Variants in ADGRA2 observed in about 807,000 individuals in gnomAD.
ADGRA2 encodes G-protein coupled receptor 124.
In ADGRA2, 61 loss-of-function variants were observed where a neutral mutation model predicts 98.7. That is an observed-to-expected ratio of 0.62 (90% CI 0.50 to 0.76). ADGRA2 has a LOEUF of 0.76. Among genes scored for constraint, ADGRA2 ranks in the 30% least tolerant of loss-of-function variants. The pLI, the probability that ADGRA2 is intolerant of heterozygous loss-of-function variation, is 0.00. For missense variants in ADGRA2, 1,712 were observed against 1,860.0 expected (o/e 0.92, Z 1.46); for synonymous variants, 858 against 831.5 (o/e 1.03, Z -0.55).
chr8:37,814,805 C>G lies in ADGRA2; in HGVS notation c.267-91C>G. ...GCACAACTCCAGGGGGCGCCATTGA[C>G]AAAGATGCAAGCTGGCCCCACCAGT... On this transcript the variant is annotated intron_variant, in intron 1 of 18. Transcript: ENST00000412232. This position sits in a 1 kb window ranked among gnomAD's most constrained non-coding sequence, Gnocchi z 4.3. 1 of 921,574 alleles carries G rather than the reference C, an allele frequency of 1.1e-6. No individual in the cohort carries two copies. Among genetic ancestry groups the G allele is most frequent in the Non-Finnish European group, 1.8e-6 (1 of 558,220 alleles). The allele number at this position is 921,574 out of a possible 1,614,324, so 57.1% of individuals were successfully genotyped here.
At chr8:37,821,744 C>T (rs777118794) in intron 2 of ADGRA2, among the ~76,000 whole-genome samples, 8 of 152,178 alleles carry the variant, frequency 5.3e-5, no homozygotes, top group Non-Finnish European at 1.0e-4. Context: ...CGGTCAGCCC[C>T]GGGATGATTT....
At chr8:37,822,285 C>A (rs1805147938) in intron 2 of ADGRA2, among the ~76,000 whole-genome samples, 1 of 151,984 alleles carries the variant, frequency 6.6e-6, no homozygotes, top group Admixed American at 6.6e-5. Flanking sequence ...TGCTTTGTGG[C>A]CTCCGAACCT....
In ADGRA2 at chr8:37,835,388, T is replaced by TAA; in HGVS notation, c.1823_1824insAA (p.Phe608LeufsTer85). ...AGGCCCAATGTTTCTCTGTCGTCCT[T>TAA]CCACATCAAGGTGGGCGCTGGGGGA... On this transcript the variant is annotated frameshift_variant, in exon 12 of 19. Coordinates refer to ENST00000412232, the MANE Select transcript of ADGRA2 (RefSeq NM_032777.10). LOFTEE classifies it high-confidence loss of function. 1 of 1,608,334 alleles carries TAA rather than the reference T, an allele frequency of 6.2e-7. No homozygotes were observed. The highest frequency in any genetic ancestry group is 2.2e-5 in the East Asian group (1 of 44,776).
At chr8:37,819,047 T>C (rs1386086883) in intron 2 of ADGRA2, among the ~76,000 whole-genome samples, 2 of 152,018 alleles carry the variant, frequency 1.3e-5, no homozygotes, top group African/African-American at 4.8e-5. Context: ...AGGAGACAGG[T>C]AGGATGTGAT....
rs1350212917 is a variant in ADGRA2 at position 37,830,528 on chromosome 8, T to C, written c.719-182T>C. On this transcript the variant is annotated intron_variant, in intron 6 of 18. Coordinates refer to ENST00000412232, the MANE Select transcript of ADGRA2 (RefSeq NM_032777.10). The surrounding 1 kb of genome is among the most constrained non-coding windows in gnomAD (Gnocchi z 4.8). ...TACTTTTCTTTGTCCAAAAACCGCC[T>C]GTCCCTCCCCTTTACCCTTACCCCT... is the stretch of plus-strand genomic sequence containing the variant. Among the ~76,000 whole-genome samples, 1 of 152,212 alleles carries C rather than the reference T, an allele frequency of 6.6e-6. No individual in the cohort carries two copies. Among genetic ancestry groups the C allele is most frequent in the East Asian group, 1.9e-4 (1 of 5,192 alleles).
Position 37,830,754 on chromosome 8 carries a change from C to T in ADGRA2, c.763C>T (p.Arg255Cys), listed in dbSNP as rs144591273. 2.1e-5 allele frequency: 34 copies of T among 1,605,758 alleles called. No individual in the cohort carries two copies. The highest frequency in any genetic ancestry group is 1.6e-4 in the Middle Eastern group (1 of 6,080). Reference sequence around the variant, plus strand: ...CACACACCACCTCATCCCGTCCCTACGCCAAGTGGTGTTCCAGGGGGATCG... The same window carrying T: ...CACACACCACCTCATCCCGTCCCTATGCCAAGTGGTGTTCCAGGGGGATCG... ...LHTHHLIPSL[R>C]QVVFQGDRLP... Residue 255 changes from arginine (R) to cysteine (C), a missense_variant, in exon 7 of 19, where the codon CGC becomes TGC. Transcript: ENST00000412232. The surrounding 1 kb of genome is among the most constrained non-coding windows in gnomAD (Gnocchi z 4.8).
At chr8:37,804,536 G>A (rs1301113968) in intron 1 of ADGRA2, among the ~76,000 whole-genome samples, 4 of 152,222 alleles carry the variant, frequency 2.6e-5, no homozygotes, top group Non-Finnish European at 5.9e-5. Flanking sequence ...TACAGAATAG[G>A]TTAGCAAACA....
In ADGRA2 at chr8:37,797,623, G is replaced by T. The variant is rs999240838; in HGVS notation, c.266+89G>T. On this transcript the variant is annotated intron_variant, in intron 1 of 18. Transcript: ENST00000412232. The surrounding 1 kb of genome is among the most constrained non-coding windows in gnomAD (Gnocchi z 5.3). Reference sequence around the variant, plus strand: ...GAGGGGTGGGAGCAGGGGGAAGGGGGCTATCCCCCCACTTCAGAGATTTCT... The same window carrying T: ...GAGGGGTGGGAGCAGGGGGAAGGGGTCTATCCCCCCACTTCAGAGATTTCT... 4.4e-6 allele frequency: 5 copies of T among 1,133,680 alleles called. No homozygotes were observed. The highest frequency in any genetic ancestry group is 1.6e-5 in the African/African-American group (1 of 62,084). The allele number at this position is 1,133,680 out of a possible 1,614,324, so 70.2% of individuals were successfully genotyped here. A position where few individuals can be genotyped will look rare whatever the true frequency, so the allele number is the denominator to read the frequency against.
intron 1 of ADGRA2, among the ~76,000 whole-genome samples, chr8:37,806,526 C>CTTTTTT (rs533491458): frequency 2.9e-4 from 29 of 100,348 alleles, no homozygotes; most frequent in African/African-American, 4.6e-4. Flanking sequence ...TTTTCTTTTT[C>CTTTTTT]TTTTTTTTTT....
chr8:37,824,923 C>T (rs1805226585), intron 2 of ADGRA2, among the ~76,000 whole-genome samples: 1 of 152,208 alleles, frequency 6.6e-6, no homozygotes, highest in Non-Finnish European at 1.5e-5. Context: ...ATTGCTTCTG[C>T]TCACAAACTC....
chr8:37,841,025 G>GCCCCCCCCCCCCCCC lies in ADGRA2; in HGVS notation c.2748-56_2748-55insCCCCCCCCCCCCCCC. 3.8e-5 allele frequency: 54 copies of GCCCCCCCCCCCCCCC among 1,411,584 alleles called. No homozygotes were observed. The highest frequency in any genetic ancestry group is 2.1e-4 in the Middle Eastern group (1 of 4,832). The allele number at this position is 1,411,584 out of a possible 1,614,324, so 87.4% of individuals were successfully genotyped here. Reference sequence around the variant, plus strand: ...ATATCCTGTCTCCCCAACCACCCCGGCCCCCAGCCCCACCCCAGCCATGCC... The same window carrying GCCCCCCCCCCCCCCC: ...ATATCCTGTCTCCCCAACCACCCCGGCCCCCCCCCCCCCCCCCCCCAGCCCCACCCCAGCCATGCC... On this transcript the variant is annotated intron_variant, in intron 18 of 18. Transcript: ENST00000412232. The surrounding 1 kb of genome is among the most constrained non-coding windows in gnomAD (Gnocchi z 5.0).
At position 37,842,284 on chromosome 8, in the gene ADGRA2, C is replaced by T. The variant is rs1198541195; in HGVS notation, c.3946C>T (p.Leu1316=). 3 of 1,580,368 alleles carry T rather than the reference C, an allele frequency of 1.9e-6. No individual in the cohort carries two copies. Among genetic ancestry groups the T allele is most frequent in the East Asian group, 4.6e-5 (2 of 43,092 alleles). The change falls in exon 19 of 19, where the codon CTG becomes TTG. Residue 1316 remains leucine (L), a synonymous_variant. Coordinates refer to ENST00000412232, the MANE Select transcript of ADGRA2 (RefSeq NM_032777.10). ...PKGGKYDDVT[L]MGAEVASGGC... is the part of the protein sequence containing the mutation. ...GGGGGGCAAGTACGACGACGTCACCCTGATGGGCGCGGAGGTAGCCAGCGG... is the reference window on the plus strand; with the variant it reads ...GGGGGGCAAGTACGACGACGTCACCTTGATGGGCGCGGAGGTAGCCAGCGG...
rs1337063165 is a variant in ADGRA2 at position 37,842,106 on chromosome 8, C to G, written c.3768C>G (p.Ser1256Arg). ...GEPMLTPSEG[S>R]DTSAAPLSEA... ...CCATGCTCACGCCGTCCGAGGGCAG[C>G]GACACCAGCGCCGCGCCGCTTTCTG... Residue 1256 changes from serine to arginine, a missense_variant, in exon 19 of 19, where the codon AGC (serine) becomes AGG (arginine). Ser to Arg is a moderately radical substitution (Grantham distance 110, BLOSUM62 -1). Coordinates refer to ENST00000412232, the MANE Select transcript of ADGRA2 (RefSeq NM_032777.10). 6.6e-7 allele frequency: 1 copy of G among 1,506,934 alleles called. No homozygotes were observed. The allele number at this position is 1,506,934 out of a possible 1,614,324, so 93.3% of individuals were successfully genotyped here. A position where few individuals can be genotyped will look rare whatever the true frequency, so the allele number is the denominator to read the frequency against.
chr8:37,835,674 C>T lies in ADGRA2; in HGVS notation c.1954C>T (p.Arg652Cys), dbSNP rs763915452. 286 of 1,613,784 alleles carry T rather than the reference C, an allele frequency of 1.8e-4. No homozygotes were observed. The highest frequency in any genetic ancestry group is 2.2e-4 in the Non-Finnish European group (256 of 1,179,948). ...TLQLLVFRNG[R>C]LFHSHSNTSR... ...GCAACTGCTCGTCTTCCGAAATGGC[C>T]GCCTCTTCCACAGCCACAGCAACAC... Residue 652 changes from arginine (R) to cysteine (C), a missense_variant, in exon 13 of 19, where the codon CGC becomes TGC. Transcript: ENST00000412232.
At chr8:37,835,481 G>A in intron 12 of ADGRA2, 73 bp from the exon 13 acceptor site, 2 of 1,499,132 alleles carry the variant, frequency 1.3e-6, no homozygotes, top group East Asian at 2.3e-5. Context: ...AGAGGAGGTG[G>A]GAGGAGGGGG....
chr8:37,838,949 T>C lies in ADGRA2; in HGVS notation c.2260-7T>C, dbSNP rs79845937. 34,859 of 1,559,180 alleles carry C rather than the reference T, an allele frequency of 0.022. 819 individuals carry two copies. The highest frequency in any genetic ancestry group is 0.1 in the East Asian group (4,432 of 44,298). Reference sequence around the variant, plus strand: ...TTCCTCACGTCCTCCTTCCTGCCCTTTCCCAGGAGCTGAGCGCCTTTCCCA... The same window carrying C: ...TTCCTCACGTCCTCCTTCCTGCCCTCTCCCAGGAGCTGAGCGCCTTTCCCA... On this transcript the variant is annotated splice_polypyrimidine_tract_variant and splice_region_variant and intron_variant, in intron 14 of 18. Transcript: ENST00000412232.
At chr8:37,800,745 A>T (rs1366147848) in intron 1 of ADGRA2, among the ~76,000 whole-genome samples, 1 of 152,172 alleles carries the variant, frequency 6.6e-6, no homozygotes, top group Non-Finnish European at 1.5e-5. Context: ...AAGCCAGAGG[A>T]CAAGAGCTGA....
intron 18 of ADGRA2, 114 bp downstream of exon 18, chr8:37,840,963 G>T (rs1338164464): frequency 5.0e-6 from 6 of 1,190,974 alleles, no homozygotes; most frequent in African/African-American, 1.5e-5. Flanking sequence ...CCAAGCCCAT[G>T]CATGCTGACC....
intron 2 of ADGRA2, among the ~76,000 whole-genome samples, chr8:37,821,317 G>T (rs1233179494): frequency 6.6e-6 from 1 of 152,218 alleles, no homozygotes; most frequent in Non-Finnish European, 1.5e-5. Flanking sequence ...ACGCATGGCA[G>T]CACAGGCTTC....
Sources: allele counts gnomAD v4.1 joint callset (sites outside exome capture counted in the v4.1 genomes callset), GRCh38; gene constraint gnomAD v4.1.1; non-coding constraint Gnocchi (gnomAD v3.1); transcripts MANE v1.5; gene names NCBI Gene and HGNC (gene_info 2026-07-23, HGNC 2026-07-21).